CDK5RAP2: variants seen among roughly 807,000 people sequenced by gnomAD.
CDK5RAP2 encodes the protein CDK5 regulatory subunit-associated protein 2.
In CDK5RAP2, 147 loss-of-function variants were observed where a neutral mutation model predicts 232.9. The ratio of observed to expected loss-of-function variants is 0.63; its 90% CI spans 0.55 to 0.72. The LOEUF (loss-of-function observed/expected upper bound fraction) is 0.72. Ranked by LOEUF, CDK5RAP2 falls within the 30% of genes least tolerant of loss-of-function variation. The pLI is 0.00. For synonymous variants in CDK5RAP2, 833 were observed against 833.7 expected (o/e 1.00, Z 0.01); for missense variants, 2,195 against 2,231.5 (o/e 0.98, Z 0.33).
chr9:120,481,998 A>G (rs2038345754), intron 14 of CDK5RAP2, among the ~76,000 whole-genome samples: 1 of 152,202 alleles, frequency 6.6e-6, no homozygotes, highest in Non-Finnish European at 1.5e-5. Flanking sequence ...AGCTACCAAC[A>G]TATCATCTCT....
intron 12 of CDK5RAP2, among the ~76,000 whole-genome samples, chr9:120,499,852 T>C (rs974368122): frequency 6.6e-6 from 1 of 152,244 alleles, no homozygotes; most frequent in Admixed American, 6.5e-5. Flanking sequence ...GCAGCCCTAA[T>C]TTTTATACAG....
intron 1 of CDK5RAP2, among the ~76,000 whole-genome samples, chr9:120,573,220 T>C (rs1055512261): frequency 6.6e-6 from 1 of 152,108 alleles, no homozygotes; most frequent in Admixed American, 6.6e-5. Context: ...ATTGGAAATA[T>C]CATAAAATTC....
In CDK5RAP2 at chr9:120,415,110, T is replaced by C; in HGVS notation, c.4227A>G (p.Leu1409=). Residue 1409 remains leucine (L), a synonymous_variant, in exon 28 of 38, where the codon TTA becomes TTG. Transcript: ENST00000349780. ...IQEIRTLRKR[L]EESIKTNEKL... is the part of the protein sequence containing the mutation. ...TCTCATTTGTTTTAATAGATTCTTC[T>C]AAACGCTTTCTCAAAGTTCGAATTT... 2 of 1,614,140 alleles carry C rather than the reference T, an allele frequency of 1.2e-6. No individual in the cohort carries two copies. The highest frequency in any genetic ancestry group is 1.7e-6 in the Non-Finnish European group (2 of 1,179,950).
chr9:120,553,113 C>G (rs889072727), intron 3 of CDK5RAP2, among the ~76,000 whole-genome samples: 1 of 152,138 alleles, frequency 6.6e-6, no homozygotes, highest in African/African-American at 2.4e-5. Context: ...AATTTATATA[C>G]AATATCTCAA....
chr9:120,472,864 C>T (rs548509175), intron 15 of CDK5RAP2, among the ~76,000 whole-genome samples: 1 of 152,226 alleles, frequency 6.6e-6, no homozygotes, highest in South Asian at 2.1e-4. Flanking sequence ...CTAAATGTGT[C>T]TATTGAGCAC....
Position 120,407,210 on chromosome 9 carries a change from T to G in CDK5RAP2, c.4765A>C (p.Arg1589=). ...GEGWKGQDPF[R]DLHSLLMEIQ... ...TCCATCAGGAGGCTGTGCAGGTCCC[T>G]GAAAGGATCCTGCCCCTTCCAGCCT... The change falls in exon 32 of 38, where the codon AGG becomes CGG. Residue 1589 remains arginine (R), a synonymous_variant. Transcript: ENST00000349780. The G allele has an allele frequency of 1.2e-6, 2 of 1,613,644 alleles. No individual in the cohort carries two copies. The highest frequency in any genetic ancestry group is 1.7e-6 in the Non-Finnish European group (2 of 1,180,024).
At chr9:120,458,365 A>C (rs1011523787) in intron 20 of CDK5RAP2, 85 bp downstream of exon 20, 1 of 1,302,794 alleles carries the variant, frequency 7.7e-7, no homozygotes, top group African/African-American at 1.5e-5. Context: ...ATTACACAGC[A>C]CGATCATCTA....
At chr9:120,502,966 T>C (rs2039642535) in intron 12 of CDK5RAP2, among the ~76,000 whole-genome samples, 1 of 152,152 alleles carries the variant, frequency 6.6e-6, no homozygotes, top group African/African-American at 2.4e-5. Context: ...ACATGGTAAG[T>C]ATTATTAGTC....
intron 3 of CDK5RAP2, among the ~76,000 whole-genome samples, chr9:120,560,292 G>C (rs1292212483): frequency 6.6e-6 from 1 of 152,212 alleles, no homozygotes; most frequent in Non-Finnish European, 1.5e-5. Context: ...ATGAGCTAAA[G>C]CACCTGGCAG....
At chr9:120,520,803 CATGAGATATATCTCATATATATCTCAT>C (rs2040604554) in intron 11 of CDK5RAP2, among the ~76,000 whole-genome samples, 1 of 68,248 alleles carries the variant, frequency 1.5e-5, no homozygotes, top group African/African-American at 4.9e-5. Flanking sequence ...TCATATATCT[CATGAGATATATCTCATATATATCTCAT>C]ATGAGCTGTA....
At chr9:120,490,433 G>C (rs2038843909) in intron 13 of CDK5RAP2, among the ~76,000 whole-genome samples, 1 of 152,210 alleles carries the variant, frequency 6.6e-6, no homozygotes, top group African/African-American at 2.4e-5. Flanking sequence ...AAGGTCTCCA[G>C]AGATCTCCTG....
chr9:120,521,421 C>T (rs2040647759), intron 11 of CDK5RAP2, among the ~76,000 whole-genome samples: 1 of 152,026 alleles, frequency 6.6e-6, no homozygotes, highest in African/African-American at 2.4e-5. Flanking sequence ...TGGGAGGGAC[C>T]GGGTGGGAGG....
At chr9:120,551,002 C>G (rs1323832134) in intron 3 of CDK5RAP2, 100 bp from the exon 4 acceptor site, 9 of 761,622 alleles carry the variant, frequency 1.2e-5, no homozygotes, top group Admixed American at 3.7e-5. Flanking sequence ...GGCTACAAAA[C>G]TGATTCAAAT....
chr9:120,408,204 G>C, intron 31 of CDK5RAP2, 143 bp downstream of exon 31: 4 of 923,478 alleles, frequency 4.3e-6, no homozygotes, highest in Non-Finnish European at 7.1e-6. Context: ...GTGGGTCAAA[G>C]AGCTAGCTTC....
intron 7 of CDK5RAP2, among the ~76,000 whole-genome samples, chr9:120,530,607 C>T (rs2041107631): frequency 6.6e-6 from 1 of 152,014 alleles, no homozygotes; most frequent in African/African-American, 2.4e-5. Context: ...AAAACCAACC[C>T]AAATATCCAA....
chr9:120,466,971 A>T (rs961227180), intron 18 of CDK5RAP2, among the ~76,000 whole-genome samples: 14 of 152,220 alleles, frequency 9.2e-5, no homozygotes, highest in Admixed American at 8.5e-4. Context: ...ACTTCATGGG[A>T]GAGCAGTTCT....
chr9:120,484,686 T>C (rs1234733734), intron 14 of CDK5RAP2, among the ~76,000 whole-genome samples: 1 of 152,118 alleles, frequency 6.6e-6, no homozygotes, highest in Non-Finnish European at 1.5e-5. Context: ...GTCATGGCAC[T>C]GCACTCCAGC....
chr9:120,463,302 C>T (rs1187133570), intron 18 of CDK5RAP2, among the ~76,000 whole-genome samples: 1 of 152,082 alleles, frequency 6.6e-6, no homozygotes, highest in African/African-American at 2.4e-5. Flanking sequence ...ACCCGGGAGG[C>T]GGAGCTTGCA....
intron 18 of CDK5RAP2, 126 bp downstream of exon 18, chr9:120,467,734 G>A (rs929908125): frequency 2.4e-5 from 23 of 966,732 alleles, no homozygotes; most frequent in Admixed American, 7.1e-5. Flanking sequence ...CAGCCTCAAC[G>A]TCCTGGGCCC....
Sources: allele counts gnomAD v4.1 joint callset (sites outside exome capture counted in the v4.1 genomes callset), GRCh38; gene constraint gnomAD v4.1.1; transcripts MANE v1.5; gene names NCBI Gene and HGNC (gene_info 2026-07-23, HGNC 2026-07-21).